Variants in AKR1E2 observed in about 807,000 individuals in gnomAD.
AKR1E2 encodes the protein 1,5-anhydro-D-fructose reductase.
AKR1E2 carries 43 observed loss-of-function variants against 41.9 expected under a neutral mutation model. The ratio of observed to expected loss-of-function variants is 1.03; its 90% CI spans 0.80 to 1.32. The LOEUF (loss-of-function observed/expected upper bound fraction) is 1.32. AKR1E2 is among the 40% of genes most tolerant of loss of function. The pLI is 0.00. For missense variants in AKR1E2, 423 were observed against 396.5 expected, an observed-to-expected ratio of 1.07 and a Z score of -0.57; for synonymous variants, 121 against 138.9, an observed-to-expected ratio of 0.87 and a Z score of 0.91.
chr10:4,870,373 T>C, the AKR1E2 span, among the ~76,000 whole-genome samples: 600 of 152,204 alleles, frequency 3.9e-3, 7 homozygotes, highest in African/African-American at 0.014. Context: ...ATATTTTTGC[T>C]TGCATATTTG....
chr10:4,862,713 C>T, the AKR1E2 span, among the ~76,000 whole-genome samples: 1 of 152,040 alleles, frequency 6.6e-6, no homozygotes, highest in Non-Finnish European at 1.5e-5. Context: ...GGAGTTCACT[C>T]ATGATTTGGC....
chr10:4,845,105 G>A (rs996297727), intron 8 of AKR1E2, among the ~76,000 whole-genome samples: 1 of 152,178 alleles, frequency 6.6e-6, no homozygotes, highest in East Asian at 1.9e-4. Flanking sequence ...GCGCAGCGCC[G>A]GTGGGCCAGC....
the AKR1E2 span, among the ~76,000 whole-genome samples, chr10:4,858,720 C>T: frequency 6.6e-6 from 1 of 151,702 alleles, no homozygotes; most frequent in African/African-American, 2.4e-5. Flanking sequence ...AGCAATTCGT[C>T]GGCACAACCA....
intron 6 of AKR1E2, among the ~76,000 whole-genome samples, chr10:4,840,282 A>G (rs565661958): frequency 3.9e-5 from 6 of 152,308 alleles, no homozygotes; most frequent in Admixed American, 3.3e-4. Context: ...AAGCTTGGAA[A>G]TCATCCCTTC....
At chr10:4,861,211 T>G in the AKR1E2 span, among the ~76,000 whole-genome samples, 1 of 152,140 alleles carries the variant, frequency 6.6e-6, no homozygotes, top group Non-Finnish European at 1.5e-5. Flanking sequence ...AATCTCACAG[T>G]GACAGAAATA....
Position 4,841,808 on chromosome 10 carries a change from A to G in AKR1E2, c.704A>G (p.Asn235Ser). The change falls in exon 7 of 10, where the codon AAC becomes AGC. Residue 235 changes from asparagine (N) to serine (S), a missense_variant. Physicochemically the swap from Asn to Ser is conservative, Grantham distance 46 (BLOSUM62 1). Coordinates refer to ENST00000298375, the MANE Select transcript of AKR1E2 (RefSeq NM_001040177.3). The part of the protein sequence containing the change: ...GSCEGVDLID[N>S]PVIKRIAKEH... ...AGTGAGGGGGTTGACCTGATAGACAACCCTGTGATCAAGAGGATTGCAAAG... is the reference window on the plus strand; with the variant it reads ...AGTGAGGGGGTTGACCTGATAGACAGCCCTGTGATCAAGAGGATTGCAAAG... 2 of 1,612,896 alleles carry G rather than the reference A, an allele frequency of 1.2e-6. No individual in the cohort carries two copies. The highest frequency in any genetic ancestry group is 1.1e-5 in the South Asian group (1 of 90,872).
intron 9 of AKR1E2, 101 bp from the exon 10 acceptor site, chr10:4,847,387 T>G: frequency 6.5e-7 from 1 of 1,530,684 alleles, no homozygotes; most frequent in East Asian, 2.3e-5. Flanking sequence ...GAAGCTAATT[T>G]CATGCACTGG....
At chr10:4,851,312 T>TGAC (rs1194701054), downstream of AKR1E2, among the ~76,000 whole-genome samples, 2 of 152,224 alleles carry the variant, frequency 1.3e-5, no homozygotes, top group African/African-American at 4.8e-5. Context: ...TTAGATGATG[T>TGAC]GACATCCACC....
chr10:4,830,451 A>G (rs1342773484), intron 1 of AKR1E2, among the ~76,000 whole-genome samples: 4 of 151,930 alleles, frequency 2.6e-5, no homozygotes, highest in African/African-American at 9.7e-5. Context: ...CACTAAAAAT[A>G]ACCTATAGTT....
intron 1 of AKR1E2, among the ~76,000 whole-genome samples, chr10:4,828,429 G>A (rs1344725128): frequency 2.0e-5 from 3 of 152,198 alleles, no homozygotes; most frequent in Non-Finnish European, 4.4e-5. Flanking sequence ...ACAGTTCCTT[G>A]ATAAGCGCCC....
At chr10:4,850,628 C>T (rs1834503625), downstream of AKR1E2, among the ~76,000 whole-genome samples, 1 of 152,178 alleles carries the variant, frequency 6.6e-6, no homozygotes, top group Non-Finnish European at 1.5e-5. Context: ...GTTGTTGTTA[C>T]AGCTGTTTTA....
chr10:4,867,621 TC>T, the AKR1E2 span, among the ~76,000 whole-genome samples: 1 of 152,212 alleles, frequency 6.6e-6, no homozygotes, highest in Non-Finnish European at 1.5e-5. Context: ...GTGCCAATAG[TC>T]AGTTTATTTT....
intron 8 of AKR1E2, among the ~76,000 whole-genome samples, chr10:4,843,302 G>A (rs114487319): frequency 0.016 from 2,394 of 152,274 alleles, 67 homozygotes; most frequent in African/African-American, 0.055. Context: ...AGGGTGAAAT[G>A]TAATGATACA....
chr10:4,870,718 A>T, the AKR1E2 span, among the ~76,000 whole-genome samples: 2 of 148,950 alleles, frequency 1.3e-5, no homozygotes, highest in Non-Finnish European at 3.0e-5. Context: ...CTTTTCTTTT[A>T]GTTTTCATGC....
rs140758040 is a variant in AKR1E2 at position 4,837,575 on chromosome 10, C to G, written c.576C>G (p.Thr192=). ...NKPGLRFKPL[T]NQIECHPYLT... ...CTGGGTTGAGGTTCAAGCCACTAAC[C>G]AACCAGGTAAGCCGATGGAAGCATC... Residue 192 remains threonine, a synonymous_variant, in exon 5 of 10, where the codon ACC becomes ACG. Coordinates refer to ENST00000298375, the MANE Select transcript of AKR1E2 (RefSeq NM_001040177.3). 246 of 1,613,234 alleles carry G rather than the reference C, an allele frequency of 1.5e-4. No individual in the cohort carries two copies. The African/African-American group carries it at 3.0e-3, about 20-fold the overall frequency.
the AKR1E2 span, among the ~76,000 whole-genome samples, chr10:4,862,107 A>G: frequency 6.6e-6 from 1 of 152,168 alleles, no homozygotes; most frequent in Non-Finnish European, 1.5e-5. Flanking sequence ...TAGTTTTTGT[A>G]TAAGGTGTAA....
At chr10:4,838,474 G>C (rs1833613058) in intron 5 of AKR1E2, among the ~76,000 whole-genome samples, 1 of 152,126 alleles carries the variant, frequency 6.6e-6, no homozygotes, top group Non-Finnish European at 1.5e-5. Context: ...TCCAGTTTGG[G>C]ACTATTAAGA....
Position 4,846,946 on chromosome 10 carries a change from C to T in AKR1E2, c.838-202C>T, listed in dbSNP as rs549728803. On this transcript the variant is annotated intron_variant, in intron 8 of 9. Coordinates refer to ENST00000298375, the MANE Select transcript of AKR1E2 (RefSeq NM_001040177.3). The stretch of plus-strand genomic sequence containing the variant: ...CTTCCTAAATGTAGCCAAGGCCAAG[C>T]CAACACCAGTCACATGATCAAAATC... Among the ~76,000 whole-genome samples the T allele has an allele frequency of 9.2e-5, 14 of 152,306 alleles. No homozygotes were observed. In the South Asian group the frequency reaches 2.9e-3, roughly 32 times the overall value.
the AKR1E2 span, among the ~76,000 whole-genome samples, chr10:4,860,581 C>A: frequency 3.9e-5 from 6 of 152,046 alleles, no homozygotes; most frequent in African/African-American, 1.4e-4. Flanking sequence ...AGAAATATAT[C>A]CATGTTTATT....
Sources: gnomAD v4.1 joint callset for allele counts (sites outside exome capture counted in the v4.1 genomes callset) on GRCh38, gnomAD v4.1.1 for gene constraint, MANE v1.5 for transcripts, NCBI Gene and HGNC (gene_info 2026-07-23, HGNC 2026-07-21) for gene names.